The following CNOT1 variants were observed in gnomAD, a reference collection of about 807,000 sequenced individuals.
CNOT1 encodes the protein CCR4-NOT transcription complex subunit 1.
In CNOT1, 15 loss-of-function variants were observed where a neutral mutation model predicts 273.8. The observed-to-expected ratio is 0.05, with a 90% confidence interval of 0.04 to 0.08. CNOT1 has a LOEUF of 0.08. Among genes scored for constraint, CNOT1 ranks in the 10% least tolerant of loss-of-function variants. The pLI, the probability that CNOT1 is intolerant of heterozygous loss-of-function variation, is 1.00. For missense variants in CNOT1, 1,644 were observed against 2,912.2 expected (o/e 0.56, Z 10.02); for synonymous variants, 1,022 against 1,005.5 (o/e 1.02, Z -0.31).
At position 58,530,263 on chromosome 16, in the gene CNOT1, T is replaced by C. The variant is rs1188167804; in HGVS notation, c.6262A>G (p.Met2088Val). The C allele has an allele frequency of 2.5e-6, 4 of 1,606,994 alleles. No homozygotes were observed. The highest frequency in any genetic ancestry group is 1.1e-5 in the South Asian group (1 of 89,972). ...TTAATTACCTTGTAGAGGATTTGCA[T>C]AGGTTTGGTGAGTTCCACATTTCTA... ...FLRNVELTKP[M>V]QILYKGTLRV... Residue 2088 changes from methionine to valine, a missense_variant, in exon 43 of 49, where the codon ATG becomes GTG. Physicochemically the swap from Met to Val is conservative, Grantham distance 21 (BLOSUM62 1). This residue lies in a region of CNOT1 where 25 missense variants were observed against 31.2 expected (regional missense o/e 0.80). Coordinates refer to ENST00000317147, the MANE Select transcript of CNOT1 (RefSeq NM_016284.5).
chr16:58,528,532 G>T lies in CNOT1; in HGVS notation c.6396C>A (p.Ile2132=), dbSNP rs144171074. 1 of 1,613,576 alleles carries T rather than the reference G, an allele frequency of 6.2e-7. No individual in the cohort carries two copies. The highest frequency in any genetic ancestry group is 2.2e-5 in the East Asian group (1 of 44,864). ...TCATGTTTCTTGGAAAGGCACTCAG[G>T]ATCAAATTTCTTAACTGGATACAAT... is the stretch of plus-strand genomic sequence containing the variant. ...PPNCIQLRNL[I]LSAFPRNMRL... is the part of the protein sequence containing the mutation. Residue 2132 remains isoleucine, a synonymous_variant, in exon 44 of 49, where the codon ATC becomes ATA. Transcript: ENST00000317147.
chr16:58,588,160 C>G (rs2041937765), intron 3 of CNOT1, among the ~76,000 whole-genome samples: 1 of 151,870 alleles, frequency 6.6e-6, no homozygotes, highest in African/African-American at 2.4e-5. Context: ...TTAGCCAGGC[C>G]TGGTGCCAGA....
intron 1 of CNOT1, among the ~76,000 whole-genome samples, chr16:58,622,028 A>T (rs2043347258): frequency 6.8e-6 from 1 of 147,470 alleles, no homozygotes; most frequent in African/African-American, 2.5e-5. Flanking sequence ...TAAGAAATGT[A>T]CAGGCTGGGC....
chr16:58,622,897 C>A (rs61134565), intron 1 of CNOT1, among the ~76,000 whole-genome samples: 1 of 151,478 alleles, frequency 6.6e-6, no homozygotes, highest in East Asian at 2.0e-4. Context: ...TGTTAGATAG[C>A]GTCTTTGAAA....
intron 9 of CNOT1, 28 bp downstream of exon 9, chr16:58,583,028 C>T: frequency 6.2e-7 from 1 of 1,613,226 alleles, no homozygotes; most frequent in Middle Eastern, 1.7e-4. Context: ...CATTAACTCA[C>T]TTGGTAAAAT....
intron 47 of CNOT1, 108 bp downstream of exon 47, chr16:58,523,262 A>C (rs563366105): frequency 1.4e-4 from 173 of 1,272,590 alleles, no homozygotes; most frequent in South Asian, 7.2e-4. Flanking sequence ...CAAAAAAAAA[A>C]CCAACCAAAC....
At chr16:58,611,770 G>A (rs1283785390) in intron 1 of CNOT1, among the ~76,000 whole-genome samples, 1 of 150,754 alleles carries the variant, frequency 6.6e-6, no homozygotes, top group Non-Finnish European at 1.5e-5. Context: ...GCAGTGAGCC[G>A]AGATCACGCC....
rs1281698215 is a variant in CNOT1 at position 58,544,047 on chromosome 16, GGTA to G, written c.4138-147_4138-145del. On this transcript the variant is annotated intron_variant, in intron 30 of 48. Transcript: ENST00000317147. Reference sequence around the variant, plus strand: ...TTAAAGTTAACCAATGGAAAATTCGGGTAACAGAAACTGAGCTCCATACAGGGA... The same window carrying G: ...TTAAAGTTAACCAATGGAAAATTCGGACAGAAACTGAGCTCCATACAGGGA... The G allele has an allele frequency of 9.5e-6, 13 of 1,364,790 alleles. No individual in the cohort carries two copies. The African/African-American group carries it at 1.5e-4, about 15-fold the overall frequency. 84.5% of individuals were successfully genotyped at this position (1,364,790 alleles called of 1,614,324 possible).
At chr16:58,562,519 A>T (rs1032532362) in intron 16 of CNOT1, among the ~76,000 whole-genome samples, 2 of 144,294 alleles carry the variant, frequency 1.4e-5, no homozygotes, top group Admixed American at 1.4e-4. Context: ...AAAATAAATT[A>T]AAAAAAAAAG....
intron 46 of CNOT1, among the ~76,000 whole-genome samples, chr16:58,524,179 G>C (rs987545868): frequency 2.0e-5 from 3 of 151,682 alleles, no homozygotes; most frequent in African/African-American, 7.3e-5. Context: ...GAACCCCTGA[G>C]GCGGAAGTTA....
rs111275987 is a variant in CNOT1 at position 58,551,930 on chromosome 16, C to T, written c.2971-111G>A. On this transcript the variant is annotated intron_variant, in intron 22 of 48. Coordinates refer to ENST00000317147, the MANE Select transcript of CNOT1 (RefSeq NM_016284.5). ...ATGTCTGAGTGCTCTTTTGGTTCAT[C>T]TAGCTCACATACTCTTTGCCCCATA... 5.6e-4 allele frequency: 778 copies of T among 1,385,480 alleles called. 4 individuals are homozygous for T. The African/African-American group carries it at 9.9e-3, about 18-fold the overall frequency. 85.8% of individuals were successfully genotyped at this position (1,385,480 alleles called of 1,614,324 possible).
rs74020103 is a variant in CNOT1, at chr16:58,555,176, C to A, written c.2891+75G>T. ...TGAGCCGAGATTGCGCCACTGCACTCCAGCCTGGATGAGAGTTAAGACCCT... is the reference window on the plus strand; with the variant it reads ...TGAGCCGAGATTGCGCCACTGCACTACAGCCTGGATGAGAGTTAAGACCCT... On this transcript the variant is annotated intron_variant, in intron 21 of 48. Coordinates refer to ENST00000317147, the MANE Select transcript of CNOT1 (RefSeq NM_016284.5). 3,266 of 1,559,984 alleles carry A rather than the reference C, an allele frequency of 2.1e-3. 70 individuals are homozygous for A. The African/African-American group carries it at 0.04, about 19-fold the overall frequency.
Position 58,542,467 on chromosome 16 carries a change from T to A in CNOT1, c.4536A>T (p.Val1512=). 6.2e-7 allele frequency: 1 copy of A among 1,614,024 alleles called. No homozygotes were observed. ...TGTCCATCTCAGGGCCTGCTTTTTC[T>A]ACTGCAGTCTTCTGAATAAAACAGC... ...LACCFIQKTA[V]EKAGPEMDKR... is the part of the protein sequence containing the mutation. Residue 1512 remains valine, a synonymous_variant, in exon 32 of 49, where the codon GTA becomes GTT. Transcript: ENST00000317147.
chr16:58,547,584 G>T lies in CNOT1; in HGVS notation c.3621C>A (p.Asn1207Lys), dbSNP rs765008997. 6.2e-7 allele frequency: 1 copy of T among 1,613,174 alleles called. No individual in the cohort carries two copies. Residue 1207 changes from asparagine to lysine, a missense_variant, in exon 26 of 49, where the codon AAC (asparagine) becomes AAA (lysine). By Grantham distance (94) the Asn-to-Lys change is moderately conservative (BLOSUM62 0). This residue lies in a region of CNOT1 where 124 missense variants were observed against 289.3 expected (regional missense o/e 0.43). Coordinates refer to ENST00000317147, the MANE Select transcript of CNOT1 (RefSeq NM_016284.5). The surrounding 1 kb of genome is among the most constrained non-coding windows in gnomAD (Gnocchi z 4.0). The part of the protein sequence containing the change: ...HWLGMITLAK[N>K]KPILHTDLDV... ...AACTCACAGTGTGTAAGATGGGTTTGTTTTTAGCTAATGTGATCATTCCTA... is the reference window on the plus strand; with the variant it reads ...AACTCACAGTGTGTAAGATGGGTTTTTTTTTAGCTAATGTGATCATTCCTA...
chr16:58,557,108 C>T (rs1362861963), intron 18 of CNOT1, 115 bp from the exon 19 acceptor site: 60 of 1,338,306 alleles, frequency 4.5e-5, no homozygotes, highest in Non-Finnish European at 5.9e-5. Context: ...GTAACTCTTA[C>T]TTTAAAAGTC....
intron 2 of CNOT1, chr16:58,597,653 GA>G: frequency 2.1e-6 from 1 of 470,454 alleles, no homozygotes. Context: ...TGCCAAAGAG[GA>G]AAGTCTGCAG....
chr16:58,588,026 C>T (rs1028185217), intron 3 of CNOT1, 148 bp from the exon 4 acceptor site: 10 of 815,174 alleles, frequency 1.2e-5, no homozygotes, highest in South Asian at 4.0e-5. Flanking sequence ...TCGCCAGGTG[C>T]GGTGGTTGAC....
At position 58,626,311 on chromosome 16, in the gene CNOT1, G is replaced by A. The variant is rs759146941; in HGVS notation, c.-175+3417C>T. On this transcript the variant is annotated intron_variant, in intron 1 of 48. Transcript: ENST00000317147. ...TAATCCAGCTACTCAGAAGGCTGAG[G>A]CAGAAGAATCGCTTGAACCTGCGAG... is the stretch of plus-strand genomic sequence containing the variant. 4.0e-5 allele frequency among the ~76,000 whole-genome samples: 6 copies of A among 149,244 alleles called. No homozygotes were observed. The South Asian group carries it at 1.3e-3, about 31-fold the overall frequency.
intron 43 of CNOT1, 145 bp downstream of exon 43, chr16:58,530,100 AT>A: frequency 1.7e-6 from 1 of 576,178 alleles, no homozygotes; most frequent in Non-Finnish European, 3.0e-6. Flanking sequence ...GGTGCTAGTT[AT>A]GCAAGTACAC....
Sources: allele counts gnomAD v4.1 joint callset (sites outside exome capture counted in the v4.1 genomes callset), GRCh38; gene constraint gnomAD v4.1.1; regional missense constraint gnomAD v4.1.1; non-coding constraint Gnocchi (gnomAD v3.1); transcripts MANE v1.5; gene names NCBI Gene and HGNC (gene_info 2026-07-23, HGNC 2026-07-21).